The following AFAP1 variants were observed in gnomAD, a reference collection of about 807,000 sequenced individuals.
AFAP1 encodes the protein actin filament-associated protein 1.
AFAP1 carries 75 observed loss-of-function variants against 93.9 expected under a neutral mutation model. That is an observed-to-expected ratio of 0.80 (90% confidence interval 0.66 to 0.97). The LOEUF is 0.97. Ranked by LOEUF, AFAP1 falls within the 50% of genes least tolerant of loss-of-function variation. The pLI, the probability that AFAP1 is intolerant of heterozygous loss-of-function variation, is 0.00. For synonymous variants in AFAP1, 517 were observed against 430.7 expected, an observed-to-expected ratio of 1.20 and a Z score of -2.48; for missense variants, 1,201 against 1,050.8, an observed-to-expected ratio of 1.14 and a Z score of -1.98.
chr4:7,928,994 G>A (rs552839374), intron 1 of AFAP1, among the ~76,000 whole-genome samples: 1 of 152,364 alleles, frequency 6.6e-6, no homozygotes, highest in East Asian at 1.9e-4. Flanking sequence ...GCAAGTAACA[G>A]ATCACTCCGA....
intron 1 of AFAP1, among the ~76,000 whole-genome samples, chr4:7,921,527 C>G (rs1720442845): frequency 6.6e-6 from 1 of 151,930 alleles, no homozygotes; most frequent in Admixed American, 6.6e-5. Context: ...AACAAAACAT[C>G]TGAGAAGAAA....
chr4:7,785,487 C>T (rs1299575462), intron 12 of AFAP1, among the ~76,000 whole-genome samples: 1 of 152,210 alleles, frequency 6.6e-6, no homozygotes, highest in Non-Finnish European at 1.5e-5. Context: ...CATTTCCTTC[C>T]TGAGGGGATT....
chr4:7,800,399 C>T (rs1003267324), intron 10 of AFAP1, 43 bp downstream of exon 10: 8 of 1,595,822 alleles, frequency 5.0e-6, no homozygotes, highest in Non-Finnish European at 5.1e-6. Flanking sequence ...AAGATCACCG[C>T]GTGTGTCCCT....
intron 4 of AFAP1, among the ~76,000 whole-genome samples, chr4:7,848,550 G>A (rs1312507452): frequency 1.3e-5 from 2 of 152,112 alleles, no homozygotes; most frequent in African/African-American, 4.8e-5. Context: ...AAGTCTCCCA[G>A]CTCACGGAAA....
chr4:7,824,748 C>G (rs1721281159), intron 6 of AFAP1, among the ~76,000 whole-genome samples: 1 of 152,078 alleles, frequency 6.6e-6, no homozygotes, highest in Admixed American at 6.5e-5. Context: ...GCCGGGAAGG[C>G]TGAGGGAACG....
At chr4:7,858,459 G>T (rs771192323) in intron 3 of AFAP1, among the ~76,000 whole-genome samples, 19 of 152,206 alleles carry the variant, frequency 1.2e-4, no homozygotes, top group Non-Finnish European at 2.4e-4. Flanking sequence ...GACACTTCAG[G>T]CTTGTTAAAG....
At chr4:7,882,131 C>T (rs1717886259) in intron 1 of AFAP1, among the ~76,000 whole-genome samples, 1 of 152,118 alleles carries the variant, frequency 6.6e-6, no homozygotes, top group Non-Finnish European at 1.5e-5. Context: ...AAAGTAAGTA[C>T]CACACCCTCC....
chr4:7,917,592 G>A (rs758155309), intron 1 of AFAP1, among the ~76,000 whole-genome samples: 6 of 152,162 alleles, frequency 3.9e-5, no homozygotes, highest in Non-Finnish European at 8.8e-5. Context: ...GAAACAGAAG[G>A]TAAAATGGAA....
At chr4:7,839,339 CAAAG>C (rs1358637645) in intron 5 of AFAP1, among the ~76,000 whole-genome samples, 2 of 146,336 alleles carry the variant, frequency 1.4e-5, no homozygotes, top group African/African-American at 5.2e-5. Context: ...CTCCAACTAA[CAAAG>C]AAAAACAAAA....
rs1349417108 is a variant in AFAP1, at chr4:7,869,075, AAAAAG to A, written c.128-361_128-357del. Among the ~76,000 whole-genome samples the A allele has an allele frequency of 4.6e-5, 7 of 151,878 alleles. No individual in the cohort carries two copies. In the South Asian group the frequency reaches 8.3e-4, roughly 18 times the overall value. Reference sequence around the variant, plus strand: ...GAAAGAGAAAGGGAAAGAGAAAAGAAAAAAGAAAAGAGAAAGAAAAAGAGAAAGGG... The same window carrying A: ...GAAAGAGAAAGGGAAAGAGAAAAGAAAAAAGAGAAAGAAAAAGAGAAAGGG... On this transcript the variant is annotated intron_variant, in intron 2 of 17. Coordinates refer to ENST00000420658, the MANE Select transcript of AFAP1 (RefSeq NM_001134647.2).
chr4:7,823,792 G>A (rs1353900446), intron 6 of AFAP1, among the ~76,000 whole-genome samples: 2 of 152,182 alleles, frequency 1.3e-5, no homozygotes, highest in African/African-American at 4.8e-5. Context: ...GAAAATAACA[G>A]CATCTCCAAC....
At chr4:7,923,517 T>A (rs1344362810) in intron 1 of AFAP1, among the ~76,000 whole-genome samples, 2 of 152,182 alleles carry the variant, frequency 1.3e-5, no homozygotes, top group African/African-American at 2.4e-5. Flanking sequence ...TCTCGCTCTG[T>A]CACCAGGCTG....
rs181900159 is a variant in AFAP1, at chr4:7,828,550, C to T, written c.727-9379G>A. Among the ~76,000 whole-genome samples the T allele has an allele frequency of 1.1e-4, 16 of 152,270 alleles. No individual in the cohort carries two copies. The East Asian group carries it at 1.5e-3, about 15-fold the overall frequency. ...CATCCTGCTGTCATCAGCTATCCGGCCTGTTCTCTGCAGGCGTATGCGGAG... is the reference window on the plus strand; with the variant it reads ...CATCCTGCTGTCATCAGCTATCCGGTCTGTTCTCTGCAGGCGTATGCGGAG... On this transcript the variant is annotated intron_variant, in intron 6 of 17. Coordinates refer to ENST00000420658, the MANE Select transcript of AFAP1 (RefSeq NM_001134647.2).
chr4:7,889,959 T>C (rs1046025343), intron 1 of AFAP1, among the ~76,000 whole-genome samples: 68 of 130,382 alleles, frequency 5.2e-4, no homozygotes, highest in African/African-American at 1.7e-3. Flanking sequence ...AATCCATCTA[T>C]AGATGCAACA....
chr4:7,930,371 CGGTGGCT>C (rs1720998164), intron 1 of AFAP1, among the ~76,000 whole-genome samples: 2 of 2,596 alleles, frequency 7.7e-4, no homozygotes, highest in South Asian at 9.4e-3. Flanking sequence ...CATTGGCCAC[CGGTGGCT>C]AGCTCAATCT....
intron 6 of AFAP1, among the ~76,000 whole-genome samples, chr4:7,831,873 C>A (rs1478593838): frequency 1.3e-5 from 2 of 152,066 alleles, no homozygotes; most frequent in African/African-American, 4.8e-5. Context: ...AATTGTCGTT[C>A]CCTCCTTACG....
chr4:7,862,010 G>A (rs1016018489), intron 3 of AFAP1: 2 of 152,216 alleles, frequency 1.3e-5, no homozygotes, highest in African/African-American at 4.8e-5. Context: ...ATGCATCGAT[G>A]GGAAGATGGT....
chr4:7,787,401 T>C (rs973400652), intron 11 of AFAP1, among the ~76,000 whole-genome samples: 2 of 152,216 alleles, frequency 1.3e-5, no homozygotes, highest in Non-Finnish European at 2.9e-5. Flanking sequence ...ATGACTGAAC[T>C]GGAGGGGAGG....
At chr4:7,774,643 C>G (rs981121948) in intron 15 of AFAP1, 96 bp downstream of exon 15, 2 of 1,486,918 alleles carry the variant, frequency 1.3e-6, no homozygotes, top group Non-Finnish European at 1.8e-6. Flanking sequence ...AAAATGACAG[C>G]CTTGGTGAGC....
Sources: allele counts gnomAD v4.1 joint callset (sites outside exome capture counted in the v4.1 genomes callset), GRCh38; gene constraint gnomAD v4.1.1; transcripts MANE v1.5; gene names NCBI Gene and HGNC (gene_info 2026-07-23, HGNC 2026-07-21).